Variants in MALT1 observed in about 807,000 individuals in gnomAD.
MALT1 encodes MALT1 paracaspase, also known as mucosa-associated lymphoid tissue lymphoma translocation protein 1.
MALT1 carries 36 observed loss-of-function variants against 85.5 expected under a neutral mutation model. The ratio of observed to expected loss-of-function variants is 0.42; its 90% CI spans 0.32 to 0.56. The LOEUF is 0.56. Ranked by LOEUF, MALT1 falls within the 20% of genes least tolerant of loss-of-function variation. MALT1 has a pLI of 0.10. For synonymous variants in MALT1, 359 were observed against 361.3 expected (o/e 0.99, Z 0.07); for missense variants, 716 against 981.6 (o/e 0.73, Z 3.62).
At position 58,681,328 on chromosome 18, in the gene MALT1, G is replaced by A; in HGVS notation, c.368G>A (p.Ser123Asn). 2 of 1,613,094 alleles carry A rather than the reference G, an allele frequency of 1.2e-6. No individual in the cohort carries two copies. Reference sequence around the variant, plus strand: ...CACACTGAAGTTCTTCAGCTTCTCAGCCCCCCAGGTAGGTTTTGTTCTTAG... The same window carrying A: ...CACACTGAAGTTCTTCAGCTTCTCAACCCCCCAGGTAGGTTTTGTTCTTAG... ...MEHTEVLQLL[S>N]PPGIKITVNP... The change falls in exon 2 of 17, where the codon AGC becomes AAC. Residue 123 changes from serine (S) to asparagine (N), a missense_variant. By Grantham distance (46) the Ser-to-Asn change is conservative (BLOSUM62 1). Around this residue, in one of 4 missense-constraint regions of MALT1, gnomAD observed 290 missense variants for 380.5 expected, o/e 0.76. Coordinates refer to ENST00000649217, the MANE Select transcript of MALT1 (RefSeq NM_006785.4).
chr18:58,712,715 T>G (rs1304108416), intron 7 of MALT1, among the ~76,000 whole-genome samples: 1 of 152,190 alleles, frequency 6.6e-6, no homozygotes, highest in Non-Finnish European at 1.5e-5. Context: ...GTGTCTGAGA[T>G]GATGGATATC....
Position 58,752,823 on chromosome 18 carries a change from G to A in MALT1, c.*4981G>A, listed in dbSNP as rs2055465042. 6.6e-6 allele frequency: 1 copy of A among 152,098 alleles called. No individual in the cohort carries two copies. The highest frequency in any genetic ancestry group is 2.4e-5 in the African/African-American group (1 of 41,414). The allele number at this position is 152,098 out of a possible 1,614,324, so 9.4% of individuals were successfully genotyped here. A position where few individuals can be genotyped will look rare whatever the true frequency, so the allele number is the denominator to read the frequency against. On this transcript the variant is annotated 3_prime_UTR_variant, in exon 17 of 17. Transcript: ENST00000649217. ...TCAAAAATAAAATATTAGTAAAGAA[G>A]AGTACAATCAGAATATGAAAATGTG... is the stretch of plus-strand genomic sequence containing the variant.
intron 12 of MALT1, 84 bp downstream of exon 12, chr18:58,734,465 A>G (rs1326519343): frequency 9.6e-7 from 1 of 1,042,758 alleles, no homozygotes; most frequent in Non-Finnish European, 1.5e-6. Flanking sequence ...AGGGGTCTTA[A>G]CTCTGTCACC....
intron 14 of MALT1, among the ~76,000 whole-genome samples, chr18:58,742,422 T>G (rs972540081): frequency 2.0e-5 from 3 of 152,112 alleles, no homozygotes; most frequent in Non-Finnish European, 4.4e-5. Context: ...GGTACCTGCT[T>G]CAGGCTGGGT....
In MALT1 at chr18:58,689,651, A is replaced by G. The variant is rs541853801; in HGVS notation, c.377-6715A>G. 3.9e-5 allele frequency among the ~76,000 whole-genome samples: 6 copies of G among 152,294 alleles called. No individual in the cohort carries two copies. The South Asian group carries it at 8.3e-4, about 21-fold the overall frequency. ...ACAGGGATTTTAGAGAGTGAAGGAC[A>G]CTGAACTGGGTGAATGTAATAGATA... On this transcript the variant is annotated intron_variant, in intron 2 of 16. Coordinates refer to ENST00000649217, the MANE Select transcript of MALT1 (RefSeq NM_006785.4).
At chr18:58,682,429 T>C (rs1312259034) in intron 2 of MALT1, among the ~76,000 whole-genome samples, 1 of 152,212 alleles carries the variant, frequency 6.6e-6, no homozygotes, top group Non-Finnish European at 1.5e-5. Flanking sequence ...TCTCAACGCA[T>C]TGGTTGGTTT....
chr18:58,671,550 CCG>C lies in MALT1; in HGVS notation c.-91_-90del. ...CAGATTTGTTCTTCCGCCCCTGCCT[CCG>C]CGGCTCGGAGGCGAGCGGAAGGTGC... On this transcript the variant is annotated 5_prime_UTR_variant, in exon 1 of 17. Coordinates refer to ENST00000649217, the MANE Select transcript of MALT1 (RefSeq NM_006785.4). 1 of 827,284 alleles carries C rather than the reference CCG, an allele frequency of 1.2e-6. No homozygotes were observed. Among genetic ancestry groups the C allele is most frequent in the Non-Finnish European group, 1.6e-6 (1 of 626,516 alleles). The allele number at this position is 827,284 out of a possible 1,614,324, so 51.2% of individuals were successfully genotyped here. A position where few individuals can be genotyped will look rare whatever the true frequency, so the allele number is the denominator to read the frequency against.
intron 12 of MALT1, 76 bp from the exon 13 acceptor site, chr18:58,735,126 T>G: frequency 3.8e-6 from 5 of 1,300,698 alleles, no homozygotes; most frequent in Non-Finnish European, 5.2e-6. Context: ...TCATTTTTAT[T>G]AGCATCCACA....
intron 1 of MALT1, among the ~76,000 whole-genome samples, chr18:58,675,797 C>T (rs1212409515): frequency 1.3e-5 from 2 of 152,138 alleles, no homozygotes; most frequent in Admixed American, 1.3e-4. Context: ...TATTTCCAGC[C>T]CATTTCTCTG....
chr18:58,704,530 C>T (rs1247957858), intron 4 of MALT1, among the ~76,000 whole-genome samples: 5 of 152,180 alleles, frequency 3.3e-5, no homozygotes. Flanking sequence ...GATCATGGCT[C>T]ACTGCAACCT....
At position 58,709,481 on chromosome 18, in the gene MALT1, T is replaced by C. The variant is rs1300347768; in HGVS notation, c.753T>C (p.Val251=). The C allele has an allele frequency of 2.5e-6, 4 of 1,613,502 alleles. No homozygotes were observed. Among genetic ancestry groups the C allele is most frequent in the African/African-American group, 1.3e-5 (1 of 74,920 alleles). Residue 251 remains valine (V), a synonymous_variant, in exon 5 of 17, where the codon GTT becomes GTC. Coordinates refer to ENST00000649217, the MANE Select transcript of MALT1 (RefSeq NM_006785.4). ...CATTGGTTTTACAGTGTGTTGCTGT[T>C]GGAAGCCCTATTCCTCACTACCAGT... ...GSTLVLQCVA[V]GSPIPHYQWF... is the part of the protein sequence containing the mutation.
In MALT1 at chr18:58,680,956, T is replaced by A. The variant is rs903960959; in HGVS notation, c.210-214T>A. Among the ~76,000 whole-genome samples, 301 of 83,036 alleles carry A rather than the reference T, an allele frequency of 3.6e-3. 1 individual carries two copies. The highest frequency in any genetic ancestry group is 6.8e-3 in the Middle Eastern group (1 of 148). 54.5% of individuals were successfully genotyped at this position (83,036 alleles called of 152,430 possible). A position where few individuals can be genotyped will look rare whatever the true frequency, so the allele number is the denominator to read the frequency against. On this transcript the variant is annotated intron_variant, in intron 1 of 16. Coordinates refer to ENST00000649217, the MANE Select transcript of MALT1 (RefSeq NM_006785.4). ...AAAAAAAAAAAAAAAAAAAAAAAAATAATCATGGGAGCTGAGTGGGAGAAG... is the reference window on the plus strand; with the variant it reads ...AAAAAAAAAAAAAAAAAAAAAAAAAAAATCATGGGAGCTGAGTGGGAGAAG...
At chr18:58,716,702 ATTAAT>A (rs2054904975) in intron 9 of MALT1, among the ~76,000 whole-genome samples, 1 of 152,210 alleles carries the variant, frequency 6.6e-6, no homozygotes, top group Non-Finnish European at 1.5e-5. Flanking sequence ...GACAGTACAT[ATTAAT>A]TTGTTGGAAA....
In MALT1 at chr18:58,748,006, T is replaced by C. The variant is rs2144495910; in HGVS notation, c.*164T>C. 1.7e-6 allele frequency: 1 copy of C among 602,108 alleles called. No individual in the cohort carries two copies. The highest frequency in any genetic ancestry group is 2.9e-6 in the Non-Finnish European group (1 of 342,380). The allele number at this position is 602,108 out of a possible 1,614,324, so 37.3% of individuals were successfully genotyped here. A position where few individuals can be genotyped will look rare whatever the true frequency, so the allele number is the denominator to read the frequency against. On this transcript the variant is annotated 3_prime_UTR_variant, in exon 17 of 17. Transcript: ENST00000649217. The stretch of plus-strand genomic sequence containing the variant: ...GGACTTTGAGATGTTGAAATTACAT[T>C]ATTTAATTACAGACTTCCTCTTTCT...
At position 58,709,405 on chromosome 18, in the gene MALT1, A is replaced by G. The variant is rs149988025; in HGVS notation, c.677A>G (p.Lys226Arg). ...QRSVDGVSES[K>R]LQICVEPTSQ... ...AGTGTTGATGGCGTCTCTGAATCCA[A>G]GTTGCAAATCTGTGTTGAACCAACT... The change falls in exon 5 of 17, where the codon AAG becomes AGG. Residue 226 changes from lysine (K) to arginine (R), a missense_variant. Around this residue, in one of 4 missense-constraint regions of MALT1, gnomAD observed 290 missense variants for 380.5 expected, o/e 0.76. Coordinates refer to ENST00000649217, the MANE Select transcript of MALT1 (RefSeq NM_006785.4). 7.8e-4 allele frequency: 1,244 copies of G among 1,596,824 alleles called. No individual in the cohort carries two copies. Among genetic ancestry groups the G allele is most frequent in the Non-Finnish European group, 9.0e-4 (1,050 of 1,172,402 alleles).
rs147329646 is a variant in MALT1, at chr18:58,672,076, A to G, written c.209+224A>G. ...CAGGGCTCTGGAGGGTGGAGGCAAA[A>G]GTGGCCCAGCGGCTGCCTCGCTCCC... On this transcript the variant is annotated intron_variant, in intron 1 of 16. Coordinates refer to ENST00000649217, the MANE Select transcript of MALT1 (RefSeq NM_006785.4). The G allele has an allele frequency of 1.3e-3, 445 of 349,350 alleles. 3 individuals carry two copies. The highest frequency in any genetic ancestry group is 8.7e-3 in the African/African-American group (408 of 46,812). The allele number at this position is 349,350 out of a possible 1,614,324, so 21.6% of individuals were successfully genotyped here. A position where few individuals can be genotyped will look rare whatever the true frequency, so the allele number is the denominator to read the frequency against.
chr18:58,717,012 AT>A (rs373014268), intron 9 of MALT1, among the ~76,000 whole-genome samples: 65 of 152,324 alleles, frequency 4.3e-4, no homozygotes, highest in African/African-American at 1.5e-3. Context: ...AGCTGAGGAC[AT>A]TTTTAGTTTA....
At chr18:58,730,886 A>T (rs1453538862) in intron 10 of MALT1, among the ~76,000 whole-genome samples, 2 of 152,170 alleles carry the variant, frequency 1.3e-5, no homozygotes, top group Non-Finnish European at 2.9e-5. Flanking sequence ...TTTCATGTGC[A>T]TATTTGCCAC....
At chr18:58,676,942 A>G (rs1044593363) in intron 1 of MALT1, among the ~76,000 whole-genome samples, 5 of 152,242 alleles carry the variant, frequency 3.3e-5, no homozygotes, top group Non-Finnish European at 5.9e-5. Context: ...TAAAGGGTGT[A>G]TAATACATTC....
Sources: allele counts gnomAD v4.1 joint callset (sites outside exome capture counted in the v4.1 genomes callset), GRCh38; gene constraint gnomAD v4.1.1; regional missense constraint gnomAD v4.1.1; transcripts MANE v1.5; gene names NCBI Gene and HGNC (gene_info 2026-07-23, HGNC 2026-07-21).